Variants in ZNF529 observed in about 807,000 individuals in gnomAD.
ZNF529 encodes zinc finger protein 529.
In ZNF529, 11 loss-of-function variants were observed where a neutral mutation model predicts 10.1. That is an observed-to-expected ratio of 1.09 (90% confidence interval 0.69 to 1.81). The LOEUF (loss-of-function observed/expected upper bound fraction) is 1.81, where lower values mean the gene tolerates loss of function less well. Among genes scored for constraint, ZNF529 ranks in the 40% most tolerant of loss-of-function variants. The pLI is 0.00. For missense variants in ZNF529, 624 were observed against 666.8 expected (o/e 0.94, Z 0.71); for synonymous variants, 204 against 215.7 (o/e 0.95, Z 0.47).
intron 2 of ZNF529, among the ~76,000 whole-genome samples, chr19:36,583,412 C>G (rs1260067960): frequency 6.6e-6 from 1 of 151,846 alleles, no homozygotes; most frequent in Non-Finnish European, 1.5e-5. Flanking sequence ...AGGTTCAGCT[C>G]CACTGAAACC....
chr19:36,556,119 A>G lies in ZNF529; in HGVS notation c.93T>C (p.Val31=). 1 of 1,551,048 alleles carries G rather than the reference A, an allele frequency of 6.4e-7. No homozygotes were observed. Among genetic ancestry groups the G allele is most frequent in the Non-Finnish European group, 8.7e-7 (1 of 1,146,400 alleles). ...GTTAACTTACATGGTCCATGGTTAG[A>G]ACTGTAAAGAATTGGTCAGGGAATT... The part of the protein sequence containing the change: ...EVEFPDQFFT[V]LTMDHELVTL... The change falls in exon 3 of 5, where the codon GTT becomes GTC. Residue 31 remains valine (V), a synonymous_variant. Coordinates refer to ENST00000591340, the MANE Select transcript of ZNF529 (RefSeq NM_020951.5).
At chr19:36,560,149 C>T (rs1439345603) in intron 2 of ZNF529, among the ~76,000 whole-genome samples, 3 of 149,924 alleles carry the variant, frequency 2.0e-5, no homozygotes, top group Non-Finnish European at 4.4e-5. Context: ...CCCAGTTACT[C>T]GGGAGGCTGA....
At chr19:36,604,348 T>G (rs1384695050) in intron 1 of ZNF529, among the ~76,000 whole-genome samples, 1 of 152,190 alleles carries the variant, frequency 6.6e-6, no homozygotes, top group Non-Finnish European at 1.5e-5. Flanking sequence ...CACAAGGCTG[T>G]GCTTTTTCAG....
At chr19:36,548,699 G>A (rs901464591) in intron 4 of ZNF529, among the ~76,000 whole-genome samples, 8 of 152,090 alleles carry the variant, frequency 5.3e-5, no homozygotes, top group South Asian at 2.1e-4. Context: ...AAATTTTACC[G>A]AGGATAATAA....
In ZNF529 at chr19:36,544,663, CT is replaced by C. The variant is rs2034945542; in HGVS notation, c.*2202del. 6.6e-6 allele frequency: 1 copy of C among 152,102 alleles called. No homozygotes were observed. Among genetic ancestry groups the C allele is most frequent in the Non-Finnish European group, 1.5e-5 (1 of 68,000 alleles). The allele number at this position is 152,102 out of a possible 1,614,324, so 9.4% of individuals were successfully genotyped here. ...TCAAAGATATGAAATAGCAAATATC[CT>C]GACAAAAAGGTTAACATACTCTTGT... On this transcript the variant is annotated 3_prime_UTR_variant, in exon 5 of 5. Coordinates refer to ENST00000591340, the MANE Select transcript of ZNF529 (RefSeq NM_020951.5).
chr19:36,570,225 G>A (rs917538614), intron 2 of ZNF529, among the ~76,000 whole-genome samples: 14 of 152,018 alleles, frequency 9.2e-5, no homozygotes, highest in African/African-American at 3.4e-4. Context: ...GCCGGGTGTT[G>A]TGGTGTGTGC....
chr19:36,566,669 G>A (rs1184317204), intron 2 of ZNF529, among the ~76,000 whole-genome samples: 2 of 151,570 alleles, frequency 1.3e-5, no homozygotes, highest in African/African-American at 2.4e-5. Context: ...AGTGAGTTGC[G>A]ATTGCACCAC....
Position 36,554,687 on chromosome 19 carries a change from C to A in ZNF529, c.218G>T (p.Ser73Ile). Residue 73 changes from serine (S) to isoleucine (I), a missense_variant, in exon 4 of 5, where the codon AGC (serine) becomes ATC (isoleucine). Coordinates refer to ENST00000591340, the MANE Select transcript of ZNF529 (RefSeq NM_020951.5). ...AAATTTACCCAGTGAGAGTAAGTTGCTGTAGTTCTCCATCATCACATCCCA... is the reference window on the plus strand; with the variant it reads ...AAATTTACCCAGTGAGAGTAAGTTGATGTAGTTCTCCATCATCACATCCCA... ...LYWDVMMENY[S>I]NLLSLDLESR... The A allele has an allele frequency of 1.3e-6, 2 of 1,565,588 alleles. No homozygotes were observed. The highest frequency in any genetic ancestry group is 1.7e-6 in the Non-Finnish European group (2 of 1,153,734).
chr19:36,566,475 C>A lies in ZNF529; in HGVS notation c.14+5858G>T, dbSNP rs539275349. Among the ~76,000 whole-genome samples the A allele has an allele frequency of 2.0e-5, 3 of 152,018 alleles. No individual in the cohort carries two copies. In the South Asian group the frequency reaches 6.2e-4, roughly 32 times the overall value. On this transcript the variant is annotated intron_variant, in intron 2 of 4. Coordinates refer to ENST00000591340, the MANE Select transcript of ZNF529 (RefSeq NM_020951.5). ...AGCTGAGGCAGGCAGATCGCTTGAG[C>A]CCAGGAGTTCAAGACCAGCTTGGCC...
chr19:36,571,657 A>C (rs574759881), intron 2 of ZNF529, among the ~76,000 whole-genome samples: 4 of 147,584 alleles, frequency 2.7e-5, no homozygotes, highest in Admixed American at 6.8e-5. Flanking sequence ...CCTGGGCAAT[A>C]ACAGTGAAAC....
Position 36,546,149 on chromosome 19 carries a change from TAC to T in ZNF529, c.*715_*716del, listed in dbSNP as rs1479135034. 3 of 150,698 alleles carry T rather than the reference TAC, an allele frequency of 2.0e-5. No homozygotes were observed. Among genetic ancestry groups the T allele is most frequent in the Non-Finnish European group, 3.0e-5 (2 of 67,714 alleles). 9.3% of individuals were successfully genotyped at this position (150,698 alleles called of 1,614,324 possible). ...ACACACATATACATCACACACTATA[TAC>T]ACACATATAGTATATGTGATATGTA... On this transcript the variant is annotated 3_prime_UTR_variant, in exon 5 of 5. Transcript: ENST00000591340.
At chr19:36,578,056 G>C (rs1269707553), upstream of ZNF529, 1 of 128,912 alleles carries the variant, frequency 7.8e-6, no homozygotes, top group Non-Finnish European at 1.6e-5. Context: ...GAGTGTGGGG[G>C]AGATTTTTTT....
rs2035048293 is a variant in ZNF529 at position 36,546,964 on chromosome 19, T to C, written c.1594A>G (p.Lys532Glu). Residue 532 changes from lysine to glutamate, a missense_variant, in exon 5 of 5, where the codon AAA becomes GAA. By Grantham distance (56) the Lys-to-Glu change is moderately conservative. Transcript: ENST00000591340. ...TKHQRIHTDD[K>E]PYECKECGNS... Reference sequence around the variant, plus strand: ...CCACACTCCTTACATTCATAGGGTTTATCATCAGTATGAATGCGCTGATGT... The same window carrying C: ...CCACACTCCTTACATTCATAGGGTTCATCATCAGTATGAATGCGCTGATGT... 6.2e-7 allele frequency: 1 copy of C among 1,613,882 alleles called. No homozygotes were observed. Among genetic ancestry groups the C allele is most frequent in the Non-Finnish European group, 8.5e-7 (1 of 1,179,886 alleles).
chr19:36,604,355 T>C (rs2036982777), intron 1 of ZNF529, among the ~76,000 whole-genome samples: 1 of 152,216 alleles, frequency 6.6e-6, no homozygotes, highest in African/African-American at 2.4e-5. Context: ...CTGTGCTTTT[T>C]CAGTTGGAAA....
chr19:36,560,072 A>G (rs1312660838), intron 2 of ZNF529, among the ~76,000 whole-genome samples: 3 of 152,042 alleles, frequency 2.0e-5, no homozygotes, highest in African/African-American at 7.2e-5. Context: ...CAGCCTGATC[A>G]ACGTGGAAAA....
intron 4 of ZNF529, among the ~76,000 whole-genome samples, chr19:36,549,578 T>C (rs1189420399): frequency 6.6e-6 from 1 of 152,220 alleles, no homozygotes; most frequent in Non-Finnish European, 1.5e-5. Flanking sequence ...GTAAGATACA[T>C]AAATATGGCG....
chr19:36,592,368 C>T (rs910492955), intron 1 of ZNF529, among the ~76,000 whole-genome samples: 1 of 148,244 alleles, frequency 6.7e-6, no homozygotes, highest in Admixed American at 6.8e-5. Flanking sequence ...CCAAGGCGGG[C>T]GGACTGCCTG....
rs2034951310 is a variant in ZNF529, at chr19:36,544,811, A to G, written c.*2055T>C. The stretch of plus-strand genomic sequence containing the variant: ...ATGAGAAAATGGCTTAATACTGGTA[A>G]TCATTCACACCGTTATAGAGTACAT... On this transcript the variant is annotated 3_prime_UTR_variant, in exon 5 of 5. Coordinates refer to ENST00000591340, the MANE Select transcript of ZNF529 (RefSeq NM_020951.5). 1 of 152,242 alleles carries G rather than the reference A, an allele frequency of 6.6e-6. No individual in the cohort carries two copies. The highest frequency in any genetic ancestry group is 1.5e-5 in the Non-Finnish European group (1 of 68,038). 9.4% of individuals were successfully genotyped at this position (152,242 alleles called of 1,614,324 possible).
At chr19:36,558,068 T>C (rs556647886) in intron 2 of ZNF529, among the ~76,000 whole-genome samples, 6 of 152,122 alleles carry the variant, frequency 3.9e-5, no homozygotes, top group African/African-American at 1.4e-4. Context: ...AAGGACTCAA[T>C]AGTAGACATG....
Sources: allele counts gnomAD v4.1 joint callset (sites outside exome capture counted in the v4.1 genomes callset), GRCh38; gene constraint gnomAD v4.1.1; transcripts MANE v1.5; gene names NCBI Gene and HGNC (gene_info 2026-07-23, HGNC 2026-07-21).